HUNK: variants seen among roughly 807,000 people sequenced by gnomAD.
HUNK encodes hormonally up-regulated Neu-associated kinase.
In HUNK, 21 loss-of-function variants were observed where a neutral mutation model predicts 61.0. That is an observed-to-expected ratio of 0.34 (90% CI 0.24 to 0.50). HUNK has a LOEUF of 0.50. Among genes scored for constraint, HUNK ranks in the 20% least tolerant of loss-of-function variants. The pLI, the probability that HUNK is intolerant of heterozygous loss-of-function variation, is 0.98. For synonymous variants in HUNK, 371 were observed against 386.1 expected (o/e 0.96, Z 0.46); for missense variants, 772 against 945.7 (o/e 0.82, Z 2.41).
Position 32,003,338 on chromosome 21 carries a change from A to C in HUNK, c.*4154A>C, listed in dbSNP as rs2053258449. ...TCTTTCTCAGTTGACTTCCCAAGTA[A>C]GCAGCAAACCCCTGGATAGCCTTGT... On this transcript the variant is annotated 3_prime_UTR_variant, in exon 11 of 11. Transcript: ENST00000270112. 6.6e-6 allele frequency: 1 copy of C among 152,256 alleles called. No homozygotes were observed. 9.4% of individuals were successfully genotyped at this position (152,256 alleles called of 1,614,324 possible). A position where few individuals can be genotyped will look rare whatever the true frequency, so the allele number is the denominator to read the frequency against.
At chr21:31,927,381 C>T (rs1249247995) in intron 2 of HUNK, among the ~76,000 whole-genome samples, 1 of 151,656 alleles carries the variant, frequency 6.6e-6, no homozygotes, top group Non-Finnish European at 1.5e-5. Flanking sequence ...GCAGTGCTCA[C>T]GCCTGCAATT....
At chr21:31,962,796 C>T (rs2052937975) in intron 5 of HUNK, among the ~76,000 whole-genome samples, 1 of 152,204 alleles carries the variant, frequency 6.6e-6, no homozygotes, top group Admixed American at 6.5e-5. Flanking sequence ...TCCTTTGAGC[C>T]AGGTGTCAAG....
chr21:31,953,108 G>A (rs2052862950), intron 4 of HUNK, among the ~76,000 whole-genome samples: 1 of 152,170 alleles, frequency 6.6e-6, no homozygotes, highest in African/African-American at 2.4e-5. Context: ...AATGTCAGAT[G>A]GACTAGGTTT....
chr21:31,873,613 T>C lies in HUNK; in HGVS notation c.-62T>C. On this transcript the variant is annotated 5_prime_UTR_variant, in exon 1 of 11. Transcript: ENST00000270112. This position sits in a 1 kb window ranked among gnomAD's most constrained non-coding sequence, Gnocchi z 6.1. Reference sequence around the variant, plus strand: ...GAGAAGCCGGGGAAGCCGAAGAGCCTGGGGAGGAGGAGCTGCGAGCGCGGG... The same window carrying C: ...GAGAAGCCGGGGAAGCCGAAGAGCCCGGGGAGGAGGAGCTGCGAGCGCGGG... 1.0e-6 allele frequency: 1 copy of C among 982,504 alleles called. No homozygotes were observed. The highest frequency in any genetic ancestry group is 1.2e-6 in the Non-Finnish European group (1 of 828,318). 60.9% of individuals were successfully genotyped at this position (982,504 alleles called of 1,614,324 possible).
chr21:31,901,339 G>A (rs919251886), intron 1 of HUNK, among the ~76,000 whole-genome samples: 9 of 152,148 alleles, frequency 5.9e-5, no homozygotes, highest in South Asian at 2.1e-4. Flanking sequence ...TCAGTGGTGA[G>A]TAGAAGGGTG....
chr21:31,914,089 G>A (rs2052564924), intron 1 of HUNK, among the ~76,000 whole-genome samples: 1 of 152,138 alleles, frequency 6.6e-6, no homozygotes, highest in South Asian at 2.1e-4. Flanking sequence ...GGGAAGGCAG[G>A]AGGAGAGTGG....
In HUNK at chr21:31,999,120, T is replaced by C. The variant is rs765202409; in HGVS notation, c.2081T>C (p.Leu694Pro). The change falls in exon 11 of 11, where the codon CTG (leucine) becomes CCG (proline). Residue 694 changes from leucine (L) to proline (P), a missense_variant. Around this residue, in one of 2 missense-constraint regions of HUNK, gnomAD observed 413 missense variants for 444.4 expected, o/e 0.93. Transcript: ENST00000270112. ...CCCCTGGAGGCCAGCCTGCCCCCAC[T>C]GCAGCCCCTAGCCCCTGTGAACCTT... ...DRPLEASLPP[L>P]QPLAPVNLAF... is the part of the protein sequence containing the mutation. 1.2e-6 allele frequency: 2 copies of C among 1,614,188 alleles called. No homozygotes were observed. Among genetic ancestry groups the C allele is most frequent in the Admixed American group, 3.3e-5 (2 of 60,034 alleles).
chr21:31,905,182 C>T lies in HUNK; in HGVS notation c.262-19286C>T, dbSNP rs540867577. Among the ~76,000 whole-genome samples, 4 of 151,912 alleles carry T rather than the reference C, an allele frequency of 2.6e-5. No homozygotes were observed. The Middle Eastern group carries it at 0.014, about 520-fold the overall frequency. On this transcript the variant is annotated intron_variant, in intron 1 of 10. Coordinates refer to ENST00000270112, the MANE Select transcript of HUNK (RefSeq NM_014586.2). ...AGAAGAGGAAATTTGGACACGGACA[C>T]ATAGGGAAGACCGCATGAAGACACA...
At chr21:31,912,737 G>A (rs1372159487) in intron 1 of HUNK, among the ~76,000 whole-genome samples, 2 of 152,132 alleles carry the variant, frequency 1.3e-5, no homozygotes, top group Non-Finnish European at 2.9e-5. Context: ...TAGAGACGGG[G>A]TTTCACTGTG....
chr21:31,997,787 G>A (rs1039339561), intron 10 of HUNK, among the ~76,000 whole-genome samples: 1 of 152,214 alleles, frequency 6.6e-6, no homozygotes, highest in Non-Finnish European at 1.5e-5. Flanking sequence ...ACTGTGGGCT[G>A]TCCAAGGACC....
intron 1 of HUNK, among the ~76,000 whole-genome samples, chr21:31,902,855 A>G (rs2052478278): frequency 6.6e-6 from 1 of 152,204 alleles, no homozygotes; most frequent in South Asian, 2.1e-4. Context: ...TAGACCATGG[A>G]GATCCGCCCT....
intron 7 of HUNK, among the ~76,000 whole-genome samples, chr21:31,981,045 G>A (rs1253738117): frequency 6.6e-6 from 1 of 152,212 alleles, no homozygotes; most frequent in African/African-American, 2.4e-5. Context: ...TGCAGATGGT[G>A]TGAGACAGGG....
chr21:31,929,794 T>C (rs546714776), intron 2 of HUNK, among the ~76,000 whole-genome samples: 58 of 152,300 alleles, frequency 3.8e-4, no homozygotes, highest in African/African-American at 1.2e-3. Context: ...TTCATCAATA[T>C]GGAGAAAAGG....
At chr21:31,885,134 C>T (rs2052336965) in intron 1 of HUNK, among the ~76,000 whole-genome samples, 1 of 152,054 alleles carries the variant, frequency 6.6e-6, no homozygotes, top group Non-Finnish European at 1.5e-5. Flanking sequence ...CTATGTTACA[C>T]CAGCCCAAGC....
intron 4 of HUNK, among the ~76,000 whole-genome samples, chr21:31,956,513 C>T (rs187117305): frequency 6.6e-6 from 1 of 152,314 alleles, no homozygotes; most frequent in East Asian, 1.9e-4. Flanking sequence ...CTCAAACATA[C>T]TCAAAGTGCA....
Position 31,910,271 on chromosome 21 carries a change from C to T in HUNK, c.262-14197C>T, listed in dbSNP as rs550615919. On this transcript the variant is annotated intron_variant, in intron 1 of 10. Transcript: ENST00000270112. ...TAGGTTTGGTTTCTCCTGAGGCCTC[C>T]TCTCCTTGGCTGACTGAAGGCTGCC... Among the ~76,000 whole-genome samples, 28 of 152,150 alleles carry T rather than the reference C, an allele frequency of 1.8e-4. 1 individual carries two copies. Among genetic ancestry groups the T allele is most frequent in the African/African-American group, 6.0e-4 (25 of 41,526 alleles).
At chr21:31,880,636 T>C (rs1189193778) in intron 1 of HUNK, among the ~76,000 whole-genome samples, 2 of 152,208 alleles carry the variant, frequency 1.3e-5, no homozygotes, top group Non-Finnish European at 2.9e-5. Flanking sequence ...CCTAATCCAG[T>C]GTTGCCTCAT....
In HUNK at chr21:32,000,670, C is replaced by T; in HGVS notation, c.*1486C>T. 1 of 398,896 alleles carries T rather than the reference C, an allele frequency of 2.5e-6. No individual in the cohort carries two copies. The highest frequency in any genetic ancestry group is 3.6e-5 in the East Asian group (1 of 28,072). 24.7% of individuals were successfully genotyped at this position (398,896 alleles called of 1,614,324 possible). A position where few individuals can be genotyped will look rare whatever the true frequency, so the allele number is the denominator to read the frequency against. ...AGATAGTCATCTCAGTCCAAGGATC[C>T]CAAAACACAAATCTAGAATTGCAAA... On this transcript the variant is annotated 3_prime_UTR_variant, in exon 11 of 11. Transcript: ENST00000270112.
At chr21:31,953,792 C>T (rs1488528819) in intron 4 of HUNK, among the ~76,000 whole-genome samples, 1 of 151,900 alleles carries the variant, frequency 6.6e-6, no homozygotes, top group African/African-American at 2.4e-5. Context: ...GGATTTGTGA[C>T]AATTTTTTTT....
Sources: gnomAD v4.1 joint callset for allele counts (sites outside exome capture counted in the v4.1 genomes callset) on GRCh38, gnomAD v4.1.1 for gene constraint, gnomAD v4.1.1 regional missense constraint, Gnocchi (gnomAD v3.1) non-coding constraint, MANE v1.5 for transcripts, NCBI Gene and HGNC (gene_info 2026-07-23, HGNC 2026-07-21) for gene names.